Variants in GRIK2 observed in about 807,000 individuals in gnomAD.
GRIK2 encodes the protein glutamate ionotropic receptor kainate type subunit 2.
In GRIK2, 32 loss-of-function variants were observed where a neutral mutation model predicts 100.3. The observed-to-expected ratio is 0.32, with a 90% CI of 0.24 to 0.43. The LOEUF (loss-of-function observed/expected upper bound fraction) is 0.43. GRIK2 is among the 20% of genes least tolerant of loss of function. The probability of loss-of-function intolerance (pLI) is 1.00; values close to 1 mark genes in which losing one functional copy is unlikely to be tolerated. For synonymous variants in GRIK2, 417 were observed against 389.4 expected (o/e 1.07, Z -0.83); for missense variants, 843 against 1,114.9 (o/e 0.76, Z 3.47).
intron 7 of GRIK2, among the ~76,000 whole-genome samples, chr6:101,765,498 G>A (rs1016041411): frequency 4.6e-5 from 7 of 151,752 alleles, no homozygotes; most frequent in Non-Finnish European, 1.0e-4. Flanking sequence ...TTTTTTCTAG[G>A]AAGAATAGTG....
chr6:101,650,544 A>G (rs575840308), intron 4 of GRIK2, among the ~76,000 whole-genome samples: 85 of 152,270 alleles, frequency 5.6e-4, no homozygotes, highest in African/African-American at 1.9e-3. Context: ...ATTAGCAGAA[A>G]GTCAGGTCAA....
rs1176234583 is a variant in GRIK2 at position 101,721,138 on chromosome 6, AG to A, written c.951+34787del. On this transcript the variant is annotated intron_variant, in intron 7 of 16. Coordinates refer to ENST00000369134, the MANE Select transcript of GRIK2 (RefSeq NM_021956.5). ...CCTTTAATCAGGCAGCTTCTTCTAT[AG>A]GTACTCAGGACAGTTTAGTTTATTG... Among the ~76,000 whole-genome samples the A allele has an allele frequency of 4.6e-5, 7 of 152,158 alleles. No individual in the cohort carries two copies. The East Asian group carries it at 1.4e-3, about 29-fold the overall frequency.
chr6:101,709,523 G>A (rs570114685), intron 7 of GRIK2, among the ~76,000 whole-genome samples: 14 of 151,912 alleles, frequency 9.2e-5, no homozygotes, highest in African/African-American at 3.4e-4. Flanking sequence ...ATAAAAGGCA[G>A]AGAAGTTTCA....
intron 7 of GRIK2, among the ~76,000 whole-genome samples, chr6:101,753,110 GT>G (rs1441035995): frequency 6.6e-6 from 1 of 151,840 alleles, no homozygotes; most frequent in Non-Finnish European, 1.5e-5. Context: ...GTGAAACCCA[GT>G]CTCTACTAAA....
At chr6:101,445,535 C>A (rs981280852) in intron 2 of GRIK2, among the ~76,000 whole-genome samples, 1 of 152,106 alleles carries the variant, frequency 6.6e-6, no homozygotes, top group Non-Finnish European at 1.5e-5. Flanking sequence ...CCAGGGACAG[C>A]CATTTCAAAA....
At chr6:101,535,845 A>T (rs1191414965) in intron 2 of GRIK2, among the ~76,000 whole-genome samples, 1 of 151,712 alleles carries the variant, frequency 6.6e-6, no homozygotes, top group African/African-American at 2.4e-5. Flanking sequence ...ACCTAAACGA[A>T]GTATTGTGCA....
intron 10 of GRIK2, among the ~76,000 whole-genome samples, chr6:101,830,025 A>G (rs527829769): frequency 1.3e-5 from 2 of 151,982 alleles, no homozygotes; most frequent in African/African-American, 4.8e-5. Context: ...GACTTCAAAT[A>G]ATACTACAAG....
At chr6:101,459,487 A>G (rs1487468767) in intron 2 of GRIK2, among the ~76,000 whole-genome samples, 2 of 152,220 alleles carry the variant, frequency 1.3e-5, no homozygotes, top group East Asian at 3.9e-4. Flanking sequence ...AGTTCTAGTC[A>G]TAGACAGAAG....
At chr6:101,452,442 T>G (rs1470139922) in intron 2 of GRIK2, among the ~76,000 whole-genome samples, 1 of 96,742 alleles carries the variant, frequency 1.0e-5, no homozygotes, top group Non-Finnish European at 2.1e-5. Context: ...GTGTATGAAA[T>G]TTTTGTGTTT....
At chr6:101,566,514 T>C (rs1006012781) in intron 2 of GRIK2, among the ~76,000 whole-genome samples, 3 of 151,786 alleles carry the variant, frequency 2.0e-5, no homozygotes, top group Non-Finnish European at 4.4e-5. Flanking sequence ...CTTAAAATTT[T>C]TAGTATAACA....
chr6:102,068,457 C>T lies in GRIK2; in HGVS notation c.2673C>T (p.Ile891=). 4.3e-6 allele frequency: 7 copies of T among 1,611,954 alleles called. No homozygotes were observed. Among genetic ancestry groups the T allele is most frequent in the Non-Finnish European group, 5.9e-6 (7 of 1,178,632 alleles). The change falls in exon 17 of 17, where the codon ATC becomes ATT. Residue 891 remains isoleucine, a synonymous_variant. Transcript: ENST00000369134. ...APVIVKTEEV[I]NMHTFNDRRL... ...TTATTGTGAAAACAGAAGAAGTTAT[C>T]AACATGCACACATTTAACGACAGAA...
chr6:101,943,367 C>T (rs991417123), intron 14 of GRIK2, among the ~76,000 whole-genome samples: 7 of 152,172 alleles, frequency 4.6e-5, no homozygotes, highest in Non-Finnish European at 8.8e-5. Context: ...TTGGAGCCCC[C>T]ACACAGAGTC....
At chr6:101,794,600 C>G (rs1780159492) in intron 7 of GRIK2, among the ~76,000 whole-genome samples, 1 of 151,392 alleles carries the variant, frequency 6.6e-6, no homozygotes, top group Non-Finnish European at 1.5e-5. Context: ...TGATGTCTAT[C>G]TCTTTATGGA....
At chr6:101,936,956 C>G (rs2128474392) in intron 14 of GRIK2, among the ~76,000 whole-genome samples, 1 of 152,164 alleles carries the variant, frequency 6.6e-6, no homozygotes, top group South Asian at 2.1e-4. Flanking sequence ...GCAATAACAC[C>G]ATTTTAGGAA....
chr6:101,641,980 A>G (rs1781294800), intron 4 of GRIK2, among the ~76,000 whole-genome samples: 1 of 151,984 alleles, frequency 6.6e-6, no homozygotes, highest in African/African-American at 2.4e-5. Context: ...TTCTTGGTAC[A>G]GTTTAATTTA....
rs1422309197 is a variant in GRIK2 at position 101,889,803 on chromosome 6, T to C, written c.1688T>C (p.Ile563Thr). The change falls in exon 12 of 17, where the codon ATC becomes ACC. Residue 563 changes from isoleucine to threonine, a missense_variant. By Grantham distance (89) the Ile-to-Thr change is moderately conservative. Around this residue, in one of 3 missense-constraint regions of GRIK2, gnomAD observed 237 missense variants for 388.0 expected, o/e 0.61. Transcript: ENST00000369134. ...TTCCTGAATCCTCTCTCCCCTGATA[T>C]CTGGATGTATATTCTGCTGGCTTAC... is the stretch of plus-strand genomic sequence containing the variant. ...FSFLNPLSPDIWMYILLAYLG... is the reference protein window; with the variant it reads ...FSFLNPLSPDTWMYILLAYLG... The C allele has an allele frequency of 2.5e-6, 4 of 1,613,544 alleles. No homozygotes were observed.
chr6:101,714,903 T>A (rs1353562973), intron 7 of GRIK2, among the ~76,000 whole-genome samples: 6 of 151,790 alleles, frequency 4.0e-5, no homozygotes, highest in Non-Finnish European at 8.8e-5. Context: ...ATTTTTCCAG[T>A]TTAAATGATA....
intron 2 of GRIK2, among the ~76,000 whole-genome samples, chr6:101,402,443 C>T (rs1337008675): frequency 6.6e-6 from 1 of 152,172 alleles, no homozygotes; most frequent in Non-Finnish European, 1.5e-5. Context: ...CTTGGCTGCA[C>T]AGGCTGGCCT....
chr6:101,751,724 A>G (rs1325736423), intron 7 of GRIK2, among the ~76,000 whole-genome samples: 3 of 152,162 alleles, frequency 2.0e-5, no homozygotes, highest in Non-Finnish European at 4.4e-5. Flanking sequence ...AATCTTCAAC[A>G]TGTTCATCTG....
Sources: allele counts gnomAD v4.1 joint callset (sites outside exome capture counted in the v4.1 genomes callset), GRCh38; gene constraint gnomAD v4.1.1; regional missense constraint gnomAD v4.1.1; transcripts MANE v1.5; gene names NCBI Gene and HGNC (gene_info 2026-07-23, HGNC 2026-07-21).